The following RPL28 variants were observed in gnomAD, a reference collection of about 807,000 sequenced individuals.
RPL28 encodes ribosomal protein L28, also known as large ribosomal subunit protein eL28.
In RPL28, 4 loss-of-function variants were observed where a neutral mutation model predicts 12.5. The ratio of observed to expected loss-of-function variants is 0.32; its 90% CI spans 0.16 to 0.73. The LOEUF is 0.73. RPL28 is among the 30% of genes least tolerant of loss of function. The pLI is 0.66. For missense variants in RPL28, 214 were observed against 197.7 expected, an observed-to-expected ratio of 1.08 and a Z score of -0.49; for synonymous variants, 91 against 72.5, an observed-to-expected ratio of 1.26 and a Z score of -1.30.
chr19:55,396,394 A>G (rs1422521319), downstream of RPL28, among the ~76,000 whole-genome samples: 2 of 151,198 alleles, frequency 1.3e-5, no homozygotes, highest in African/African-American at 4.9e-5. Context: ...AGGTCAGGAA[A>G]TGGAAGACTA....
chr19:55,389,787 G>C lies in RPL28; in HGVS notation c.*1455G>C. On this transcript the variant is annotated 3_prime_UTR_variant, in exon 5 of 5. Coordinates refer to ENST00000344063, the MANE Select transcript of RPL28 (RefSeq NM_000991.5). ...GATTGAGAGGTGTTGCCTTAAAACTGAGTTGGGTGACTTGGTACCTGCTCA... is the reference window on the plus strand; with the variant it reads ...GATTGAGAGGTGTTGCCTTAAAACTCAGTTGGGTGACTTGGTACCTGCTCA... 1.0e-6 allele frequency: 1 copy of C among 985,472 alleles called. No individual in the cohort carries two copies. Among genetic ancestry groups the C allele is most frequent in the Non-Finnish European group, 1.2e-6 (1 of 830,000 alleles). 61.0% of individuals were successfully genotyped at this position (985,472 alleles called of 1,614,324 possible).
At chr19:55,401,137 C>G (rs2090054320) in intron 4 of RPL28, 2 of 468,068 alleles carry the variant, frequency 4.3e-6, no homozygotes, top group Non-Finnish European at 7.6e-6. Flanking sequence ...ACCCAAACCT[C>G]AAACAGCAAG....
downstream of RPL28, among the ~76,000 whole-genome samples, chr19:55,393,311 CG>C (rs1569044320): frequency 7.2e-6 from 1 of 138,682 alleles, no homozygotes; most frequent in African/African-American, 2.6e-5. Flanking sequence ...CAGCAAGGCC[CG>C]GGATCTGGCC....
chr19:55,402,015 T>TG (rs1393137699), intron 4 of RPL28, among the ~76,000 whole-genome samples: 5 of 152,346 alleles, frequency 3.3e-5, no homozygotes, highest in African/African-American at 1.2e-4. Context: ...AAAATGTCCC[T>TG]GGTCCTCCGT....
chr19:55,390,363 C>T lies in RPL28; in HGVS notation c.*2031C>T. On this transcript the variant is annotated 3_prime_UTR_variant, in exon 5 of 5. Coordinates refer to ENST00000344063, the MANE Select transcript of RPL28 (RefSeq NM_000991.5). ...GGGATTACAGGTGGGTGTCACCACA[C>T]CCAGCTCAGTATTGTATTTTTAGCA... 1.3e-6 allele frequency: 1 copy of T among 760,726 alleles called. No individual in the cohort carries two copies. Among genetic ancestry groups the T allele is most frequent in the Non-Finnish European group, 1.6e-6 (1 of 625,174 alleles). The allele number at this position is 760,726 out of a possible 1,614,324, so 47.1% of individuals were successfully genotyped here. A position where few individuals can be genotyped will look rare whatever the true frequency, so the allele number is the denominator to read the frequency against.
At chr19:55,392,982 CA>C (rs1003695461), downstream of RPL28, among the ~76,000 whole-genome samples, 1 of 152,044 alleles carries the variant, frequency 6.6e-6, no homozygotes, top group Non-Finnish European at 1.5e-5. Context: ...TTGATGAAGC[CA>C]CTCATTTAAA....
intron 3 of RPL28, chr19:55,387,429 C>G (rs1454344551): frequency 5.2e-6 from 8 of 1,535,208 alleles, no homozygotes; most frequent in Middle Eastern, 1.9e-4. Context: ...TTGCTTGGCA[C>G]TTGGGGACCC....
Position 55,387,318 on chromosome 19 carries a change from C to T in RPL28, c.206-612C>T, listed in dbSNP as rs377003105. On this transcript the variant is annotated intron_variant, in intron 3 of 4. Transcript: ENST00000344063. ...TTTCTCAGGTCCTTGATTGGAACTG[C>T]CTCAGAGCCAAGGGTCCTTTTACTC... The T allele has an allele frequency of 4.5e-6, 7 of 1,551,558 alleles. No individual in the cohort carries two copies. In the African/African-American group the frequency reaches 5.5e-5, roughly 12 times the overall value.
chr19:55,401,890 C>T lies in RPL28; in HGVS notation c.325-1053C>T, dbSNP rs888803264. ...AACTCAGCTGCAGATCCAGGCCCCA[C>T]CTATGCTGCATCCTCCCTCATCTTT... On this transcript the variant is annotated intron_variant, in intron 4 of 4. Transcript: ENST00000560055. 8 of 955,436 alleles carry T rather than the reference C, an allele frequency of 8.4e-6. No individual in the cohort carries two copies. The East Asian group carries it at 1.3e-4, about 15-fold the overall frequency. The allele number at this position is 955,436 out of a possible 1,614,324, so 59.2% of individuals were successfully genotyped here.
At position 55,388,976 on chromosome 19, in the gene RPL28, TC is replaced by T. The variant is rs1232742375; in HGVS notation, c.*646del. On this transcript the variant is annotated 3_prime_UTR_variant, in exon 5 of 5. Transcript: ENST00000344063. ...TAGCATTGTCCCCCTACTCCCGTCC[TC>T]CAGGTGTCCCCATCCCTCCCCTGTC... 8.1e-6 allele frequency: 8 copies of T among 985,374 alleles called. No homozygotes were observed. The highest frequency in any genetic ancestry group is 9.6e-6 in the Non-Finnish European group (8 of 829,968). 61.0% of individuals were successfully genotyped at this position (985,374 alleles called of 1,614,324 possible).
In RPL28 at chr19:55,403,061, G is replaced by A. The variant is rs74593881; in HGVS notation, c.443G>A (p.Arg148His). 6.4e-3 allele frequency: 8,783 copies of A among 1,363,794 alleles called. 476 individuals carry two copies. In the African/African-American group the frequency reaches 0.11, roughly 17 times the overall value. 84.5% of individuals were successfully genotyped at this position (1,363,794 alleles called of 1,614,324 possible). Residue 148 changes from arginine (R) to histidine (H), a missense_variant, in exon 5 of 5, where the codon CGT (arginine) becomes CAT (histidine). Arg to His is a conservative substitution (Grantham distance 29). Coordinates refer to the RPL28 transcript ENST00000560055. ...TCATTCTGTGTCATGGAGCCATCTC[G>A]TACGCTGCAGGATTTGGGCAGCACC... is the stretch of plus-strand genomic sequence containing the variant.
chr19:55,388,257 G>A lies in RPL28; in HGVS notation c.339G>A (p.Arg113=), dbSNP rs751044880. ...RPDLRMAAIR[R]ASAILRSQKP... is the part of the protein sequence containing the mutation. ...CCCGCCCCCAGGCAGCCATCCGCAG[G>A]GCCAGCGCCATCCTGCGCAGCCAGA... is the stretch of plus-strand genomic sequence containing the variant. The change falls in exon 5 of 5, where the codon AGG becomes AGA. Residue 113 remains arginine, a synonymous_variant. Coordinates refer to ENST00000344063, the MANE Select transcript of RPL28 (RefSeq NM_000991.5). 4 of 1,568,876 alleles carry A rather than the reference G, an allele frequency of 2.5e-6. No homozygotes were observed. Among genetic ancestry groups the A allele is most frequent in the Non-Finnish European group, 1.7e-6 (2 of 1,158,852 alleles).
At chr19:55,387,742 C>T (rs1035906477) in intron 3 of RPL28, 188 bp from the exon 4 acceptor site, 14 of 1,446,024 alleles carry the variant, frequency 9.7e-6, no homozygotes, top group South Asian at 4.6e-5. Flanking sequence ...GTCCTCAGTA[C>T]TCCGTGATGA....
At position 55,388,259 on chromosome 19, in the gene RPL28, C is replaced by T; in HGVS notation, c.341C>T (p.Ala114Val). Residue 114 changes from alanine (A) to valine (V), a missense_variant, in exon 5 of 5, where the codon GCC (alanine) becomes GTC (valine). By Grantham distance (64) the Ala-to-Val change is moderately conservative (BLOSUM62 0). Coordinates refer to ENST00000344063, the MANE Select transcript of RPL28 (RefSeq NM_000991.5). ...CGCCCCCAGGCAGCCATCCGCAGGG[C>T]CAGCGCCATCCTGCGCAGCCAGAAG... ...PDLRMAAIRR[A>V]SAILRSQKPV... The T allele has an allele frequency of 1.3e-6, 2 of 1,569,480 alleles. No homozygotes were observed. Among genetic ancestry groups the T allele is most frequent in the Non-Finnish European group, 8.6e-7 (1 of 1,158,978 alleles).
intron 3 of RPL28, chr19:55,387,639 G>T (rs1197723676): frequency 4.3e-6 from 6 of 1,393,266 alleles, no homozygotes; most frequent in Non-Finnish European, 5.6e-6. Context: ...GCTGGACCTG[G>T]ATCAGATCCT....
At chr19:55,386,097 T>C in intron 1 of RPL28, 132 bp downstream of exon 1, 1 of 491,108 alleles carries the variant, frequency 2.0e-6, no homozygotes, top group Non-Finnish European at 3.8e-6. Flanking sequence ...GTGAAGTCGT[T>C]GTGAATTTTC....
In RPL28 at chr19:55,387,395, A is replaced by T. The variant is rs115057048; in HGVS notation, c.206-535A>T. 4,165 of 1,550,220 alleles carry T rather than the reference A, an allele frequency of 2.7e-3. 66 individuals are homozygous for T. The African/African-American group carries it at 0.042, about 16-fold the overall frequency. ...GGCTAGTGATCCTCCTGTCTCAGGG[A>T]CACGTAGTCCAGGGAGCAGCCAATT... On this transcript the variant is annotated intron_variant, in intron 3 of 4. Coordinates refer to ENST00000344063, the MANE Select transcript of RPL28 (RefSeq NM_000991.5).
downstream of RPL28, among the ~76,000 whole-genome samples, chr19:55,396,367 C>G (rs1436116012): frequency 2.6e-5 from 4 of 151,260 alleles, no homozygotes; most frequent in African/African-American, 4.9e-5. Context: ...CATAAAACAC[C>G]TATGTAACCA....
In RPL28 at chr19:55,389,900, C is replaced by A; in HGVS notation, c.*1568C>A. Reference sequence around the variant, plus strand: ...GACTTCGTACCTGCTCAGGAGCCCCCACTGTCCCAGTCCCACTCAGGCCCA... The same window carrying A: ...GACTTCGTACCTGCTCAGGAGCCCCAACTGTCCCAGTCCCACTCAGGCCCA... On this transcript the variant is annotated 3_prime_UTR_variant, in exon 5 of 5. Coordinates refer to ENST00000344063, the MANE Select transcript of RPL28 (RefSeq NM_000991.5). 1 of 985,650 alleles carries A rather than the reference C, an allele frequency of 1.0e-6. No individual in the cohort carries two copies. The highest frequency in any genetic ancestry group is 1.2e-6 in the Non-Finnish European group (1 of 830,144). 61.1% of individuals were successfully genotyped at this position (985,650 alleles called of 1,614,324 possible).
Sources: allele counts gnomAD v4.1 joint callset (sites outside exome capture counted in the v4.1 genomes callset), GRCh38; gene constraint gnomAD v4.1.1; transcripts MANE v1.5; gene names NCBI Gene and HGNC (gene_info 2026-07-23, HGNC 2026-07-21).